TGFBRAP1: variants seen among roughly 807,000 people sequenced by gnomAD.
TGFBRAP1 encodes the protein transforming growth factor beta receptor associated protein 1, also known as transforming growth factor-beta receptor-associated protein 1.
In TGFBRAP1, 20 loss-of-function variants were observed where a neutral mutation model predicts 83.2. The observed-to-expected ratio is 0.24, with a 90% CI of 0.17 to 0.35. The LOEUF is 0.35. TGFBRAP1 is among the 10% of genes least tolerant of loss of function. TGFBRAP1 has a pLI of 1.00. For missense variants in TGFBRAP1, 950 were observed against 1,099.4 expected (o/e 0.86, Z 1.92); for synonymous variants, 415 against 459.8 (o/e 0.90, Z 1.25).
chr2:105,258,588 G>A, the TGFBRAP1 span, among the ~76,000 whole-genome samples: 7 of 151,840 alleles, frequency 4.6e-5, no homozygotes, highest in Non-Finnish European at 5.9e-5. Flanking sequence ...CTTCAGACTT[G>A]GACTGAATTA....
chr2:105,272,903 G>T lies in TGFBRAP1; in HGVS notation c.1924C>A (p.Arg642=). 6.2e-7 allele frequency: 1 copy of T among 1,610,238 alleles called. No homozygotes were observed. ...AEATETQAKL[R]RLLQKSDLYR... ...AAATCAGATTTCTGGAGCAGCCGCC[G>T]CAGCTTGGCCTGCGTCTCGGTGGCC... The change falls in exon 10 of 12, where the codon CGG becomes AGG. Residue 642 remains arginine (R), a synonymous_variant. Transcript: ENST00000393359.
At chr2:105,288,767 G>A (rs1165263381) in intron 4 of TGFBRAP1, among the ~76,000 whole-genome samples, 1 of 152,122 alleles carries the variant, frequency 6.6e-6, no homozygotes. Context: ...TGAGGACCAT[G>A]GCATTCTCCT....
chr2:105,322,483 G>A (rs895773245), intron 1 of TGFBRAP1, among the ~76,000 whole-genome samples: 1 of 152,088 alleles, frequency 6.6e-6, no homozygotes, highest in Non-Finnish European at 1.5e-5. Context: ...CCAGTCCTGC[G>A]AGCTCCATTC....
chr2:105,326,049 T>G (rs549067262), intron 1 of TGFBRAP1, among the ~76,000 whole-genome samples: 1 of 152,236 alleles, frequency 6.6e-6, no homozygotes, highest in South Asian at 2.1e-4. Context: ...AAAAAGACAG[T>G]TAAGGTCTAA....
At chr2:105,319,412 C>T (rs1478126609) in intron 1 of TGFBRAP1, among the ~76,000 whole-genome samples, 1 of 147,918 alleles carries the variant, frequency 6.8e-6, no homozygotes, top group East Asian at 2.1e-4. Context: ...GGCTTGTAGG[C>T]CAGGCGCAGT....
chr2:105,267,691 A>T lies in TGFBRAP1; in HGVS notation c.2407-132T>A, dbSNP rs1022760894. On this transcript the variant is annotated intron_variant, in intron 11 of 11. Coordinates refer to ENST00000393359, the MANE Select transcript of TGFBRAP1 (RefSeq NM_004257.6). ...TTATGATGAGGATTTCTTTAATATC[A>T]ACTTCTTGAAATGAAATGCTAAAGG... 40 of 1,474,502 alleles carry T rather than the reference A, an allele frequency of 2.7e-5. No individual in the cohort carries two copies. In the East Asian group the frequency reaches 9.4e-4, roughly 35 times the overall value. The allele number at this position is 1,474,502 out of a possible 1,614,324, so 91.3% of individuals were successfully genotyped here.
intron 7 of TGFBRAP1, among the ~76,000 whole-genome samples, chr2:105,276,482 T>A (rs777215663): frequency 1.3e-5 from 2 of 152,302 alleles, no homozygotes; most frequent in Non-Finnish European, 2.9e-5. Flanking sequence ...AATTCTGATG[T>A]CAGCATACGA....
Position 105,298,662 on chromosome 2 carries a change from C to T in TGFBRAP1, c.732G>A (p.Val244=), listed in dbSNP as rs1678173108. Residue 244 remains valine, a synonymous_variant, in exon 3 of 12, where the codon GTG becomes GTA. Coordinates refer to ENST00000393359, the MANE Select transcript of TGFBRAP1 (RefSeq NM_004257.6). ...CCCCAATCACATTCTCCGACCAGTG[C>T]ACGGGGGCGCGCTGGGATATCCCTG... The part of the protein sequence containing the change: ...TVAGISQRAP[V]HWSENVIGAA... 6.2e-7 allele frequency: 1 copy of T among 1,608,476 alleles called. No homozygotes were observed. The highest frequency in any genetic ancestry group is 8.5e-7 in the Non-Finnish European group (1 of 1,176,164).
At chr2:105,296,586 T>C (rs2104371355) in intron 3 of TGFBRAP1, 76 bp from the exon 4 acceptor site, 1 of 1,508,390 alleles carries the variant, frequency 6.6e-7, no homozygotes, top group Non-Finnish European at 8.9e-7. Flanking sequence ...TTCCCCAAAC[T>C]GGATCATTAC....
intron 2 of TGFBRAP1, among the ~76,000 whole-genome samples, chr2:105,300,539 C>T (rs931127873): frequency 1.7e-4 from 26 of 149,858 alleles, no homozygotes; most frequent in African/African-American, 5.6e-4. Context: ...CGGGTTCAAG[C>T]GATTCTCCTG....
In TGFBRAP1 at chr2:105,265,249, T is replaced by A. The variant is rs1398895733; in HGVS notation, c.*2134A>T. ...ACTTTGGGAGGCCGAGGCAGGCAGATCACGAGGTCAGGAGACCGAGACCAT... is the reference window on the plus strand; with the variant it reads ...ACTTTGGGAGGCCGAGGCAGGCAGAACACGAGGTCAGGAGACCGAGACCAT... On this transcript the variant is annotated 3_prime_UTR_variant, in exon 12 of 12. Coordinates refer to ENST00000393359, the MANE Select transcript of TGFBRAP1 (RefSeq NM_004257.6). The A allele has an allele frequency of 2.0e-5, 3 of 152,348 alleles. No individual in the cohort carries two copies. Among genetic ancestry groups the A allele is most frequent in the African/African-American group, 7.2e-5 (3 of 41,582 alleles). The allele number at this position is 152,348 out of a possible 1,614,324, so 9.4% of individuals were successfully genotyped here.
At chr2:105,250,450 T>C in the TGFBRAP1 span, among the ~76,000 whole-genome samples, 1 of 152,240 alleles carries the variant, frequency 6.6e-6, no homozygotes, top group Admixed American at 6.5e-5. Flanking sequence ...GGAAGCATTT[T>C]TTAAAAGAAA....
At chr2:105,304,722 G>T (rs1261411137) in intron 2 of TGFBRAP1, among the ~76,000 whole-genome samples, 1 of 152,216 alleles carries the variant, frequency 6.6e-6, no homozygotes, top group Non-Finnish European at 1.5e-5. Context: ...GGCGGAGGTT[G>T]CAGTGAGCCG....
chr2:105,259,189 G>GAAATCTACA, the TGFBRAP1 span, among the ~76,000 whole-genome samples: 2 of 152,208 alleles, frequency 1.3e-5, no homozygotes, highest in Non-Finnish European at 2.9e-5. Context: ...AATATGTTAG[G>GAAATCTACA]AAATCTACAG....
intron 1 of TGFBRAP1, among the ~76,000 whole-genome samples, chr2:105,323,926 TGGA>T (rs760614706): frequency 2.6e-5 from 4 of 152,138 alleles, no homozygotes; most frequent in Non-Finnish European, 5.9e-5. Flanking sequence ...CCATGGGAAT[TGGA>T]GGAGTTTAGA....
At chr2:105,314,963 A>G (rs990169542) in intron 1 of TGFBRAP1, among the ~76,000 whole-genome samples, 2 of 151,692 alleles carry the variant, frequency 1.3e-5, no homozygotes, top group Admixed American at 6.6e-5. Context: ...AAAAAAAAAA[A>G]AAAGAAAGAA....
intron 4 of TGFBRAP1, among the ~76,000 whole-genome samples, chr2:105,288,502 G>C (rs1677792275): frequency 6.6e-6 from 1 of 152,172 alleles, no homozygotes; most frequent in South Asian, 2.1e-4. Context: ...CCAAAGCGCA[G>C]AGGACAGTCT....
chr2:105,267,193 TCATTCCATGTACATTCATAGAGCCTGG>T lies in TGFBRAP1; in HGVS notation c.*163_*189del. The T allele has an allele frequency of 2.7e-5, 1 of 37,718 alleles. No individual in the cohort carries two copies. The highest frequency in any genetic ancestry group is 4.1e-4 in the South Asian group (1 of 2,412). The allele number at this position is 37,718 out of a possible 1,614,324, so 2.3% of individuals were successfully genotyped here. Reference sequence around the variant, plus strand: ...TTCCATGTACATTCATAGAGCCTGGTCATTCCATGTACATTCATAGAGCCTGGTCAGCAGCGAGGAGTCCTTGTTGCG... The same window carrying T: ...TTCCATGTACATTCATAGAGCCTGGTTCAGCAGCGAGGAGTCCTTGTTGCG... On this transcript the variant is annotated 3_prime_UTR_variant, in exon 12 of 12. Transcript: ENST00000393359.
intron 11 of TGFBRAP1, 128 bp from the exon 12 acceptor site, chr2:105,267,687 T>C: frequency 2.7e-6 from 4 of 1,479,116 alleles, no homozygotes; most frequent in Non-Finnish European, 3.6e-6. Context: ...ATTTCTTTAA[T>C]ATCAACTTCT....
Sources: gnomAD v4.1 joint callset for allele counts (sites outside exome capture counted in the v4.1 genomes callset) on GRCh38, gnomAD v4.1.1 for gene constraint, MANE v1.5 for transcripts, NCBI Gene and HGNC (gene_info 2026-07-23, HGNC 2026-07-21) for gene names.